Variants in APBB1IP observed in about 807,000 individuals in gnomAD.
APBB1IP encodes amyloid beta precursor protein binding family B member 1 interacting protein, also known as amyloid beta A4 precursor protein-binding family B member 1-interacting protein.
In APBB1IP, 27 loss-of-function variants were observed where a neutral mutation model predicts 64.9. The observed-to-expected ratio is 0.42, with a 90% CI of 0.31 to 0.57. The LOEUF (loss-of-function observed/expected upper bound fraction) is 0.57. Among genes scored for constraint, APBB1IP ranks in the 20% least tolerant of loss-of-function variants. APBB1IP has a pLI of 0.20. For missense variants in APBB1IP, 812 were observed against 845.5 expected (o/e 0.96, Z 0.49); for synonymous variants, 392 against 331.0 (o/e 1.18, Z -2.00).
At chr10:26,458,692 C>A (rs1835555063) in intron 2 of APBB1IP, among the ~76,000 whole-genome samples, 2 of 152,022 alleles carry the variant, frequency 1.3e-5, no homozygotes, top group Non-Finnish European at 2.9e-5. Context: ...ATGCTATCAT[C>A]AAAAAATTAA....
At chr10:26,460,726 C>G (rs940987466) in intron 2 of APBB1IP, among the ~76,000 whole-genome samples, 2 of 152,162 alleles carry the variant, frequency 1.3e-5, no homozygotes, top group East Asian at 3.8e-4. Context: ...TGCATGTTCT[C>G]ACTTATAAGT....
intron 2 of APBB1IP, among the ~76,000 whole-genome samples, chr10:26,483,955 C>G (rs1835864027): frequency 6.6e-6 from 1 of 152,070 alleles, no homozygotes; most frequent in African/African-American, 2.4e-5. Flanking sequence ...TCTCAGTGCT[C>G]TGAAATTTTC....
chr10:26,438,525 G>A (rs2992333), intron 1 of APBB1IP, 70 bp downstream of exon 1: 91,891 of 150,634 alleles, frequency 0.61, 28,423 homozygotes, highest in East Asian at 0.93. Context: ...ATCCCTTCAA[G>A]GTGGTTGTGT....
At chr10:26,455,987 G>A (rs1835520422) in intron 2 of APBB1IP, among the ~76,000 whole-genome samples, 1 of 152,200 alleles carries the variant, frequency 6.6e-6, no homozygotes. Context: ...AGTGAAAGAA[G>A]CCAGACACAA....
chr10:26,472,105 G>A (rs1835724821), intron 2 of APBB1IP, among the ~76,000 whole-genome samples: 1 of 152,078 alleles, frequency 6.6e-6, no homozygotes, highest in South Asian at 2.1e-4. Context: ...GGGCTGCGGG[G>A]GGAAGAAAAA....
At chr10:26,529,744 G>A (rs1333469786) in intron 8 of APBB1IP, among the ~76,000 whole-genome samples, 1 of 152,140 alleles carries the variant, frequency 6.6e-6, no homozygotes, top group Non-Finnish European at 1.5e-5. Flanking sequence ...AGTCTCAAGT[G>A]ATTCTTCTGC....
Position 26,567,261 on chromosome 10 carries a change from G to T in APBB1IP, c.1774G>T (p.Gly592Trp). Residue 592 changes from glycine to tryptophan, a missense_variant, in exon 15 of 15, where the codon GGG (glycine) becomes TGG (tryptophan). By Grantham distance (184) the Gly-to-Trp change is radical (BLOSUM62 -2). Transcript: ENST00000376236. ...GCCCCCGCCCCCGCCGTCGTACGCA[G>T]GGATCGCGGGCTCAGAGCTGCCCCC... ...FVPPPPPSYA[G>W]IAGSELPPPP... 1 of 1,283,300 alleles carries T rather than the reference G, an allele frequency of 7.8e-7. No homozygotes were observed. The highest frequency in any genetic ancestry group is 1.9e-5 in the South Asian group (1 of 51,806). The allele number at this position is 1,283,300 out of a possible 1,614,324, so 79.5% of individuals were successfully genotyped here.
At chr10:26,552,790 C>G (rs990576374) in intron 11 of APBB1IP, among the ~76,000 whole-genome samples, 5 of 152,200 alleles carry the variant, frequency 3.3e-5, no homozygotes, top group Non-Finnish European at 5.9e-5. Context: ...AACGTGGCCT[C>G]TGGAACCACA....
At chr10:26,488,646 G>T (rs1358661913) in intron 2 of APBB1IP, among the ~76,000 whole-genome samples, 3 of 152,174 alleles carry the variant, frequency 2.0e-5, no homozygotes, top group Non-Finnish European at 4.4e-5. Flanking sequence ...TGAACCAGGG[G>T]CAGGGCCCAC....
intron 2 of APBB1IP, among the ~76,000 whole-genome samples, chr10:26,445,583 T>C (rs1165307185): frequency 6.6e-6 from 1 of 152,214 alleles, no homozygotes; most frequent in Non-Finnish European, 1.5e-5. Context: ...TGATGTAGAC[T>C]TTATGCAATA....
chr10:26,519,644 A>G (rs787067), intron 8 of APBB1IP, among the ~76,000 whole-genome samples: 5 of 152,050 alleles, frequency 3.3e-5, no homozygotes, highest in African/African-American at 1.2e-4. Flanking sequence ...TACTACTGTA[A>G]CATAGCGGGA....
chr10:26,442,546 A>T (rs1383459236), intron 2 of APBB1IP, among the ~76,000 whole-genome samples: 1 of 152,174 alleles, frequency 6.6e-6, no homozygotes, highest in African/African-American at 2.4e-5. Flanking sequence ...AACCGACTGG[A>T]GGGTTTGCAT....
chr10:26,540,354 C>A (rs756669833), intron 10 of APBB1IP, among the ~76,000 whole-genome samples: 9 of 152,066 alleles, frequency 5.9e-5, no homozygotes, highest in Non-Finnish European at 1.3e-4. Context: ...GAAGGCGGAT[C>A]GCTTGAGCTC....
At chr10:26,553,704 G>A (rs1836860577) in intron 11 of APBB1IP, among the ~76,000 whole-genome samples, 1 of 152,106 alleles carries the variant, frequency 6.6e-6, no homozygotes, top group Admixed American at 6.5e-5. Flanking sequence ...TTCAGACTTG[G>A]GGGTACATCG....
At chr10:26,503,870 T>C (rs1162755916) in intron 6 of APBB1IP, among the ~76,000 whole-genome samples, 2 of 152,102 alleles carry the variant, frequency 1.3e-5, no homozygotes, top group African/African-American at 4.8e-5. Flanking sequence ...TCCTGGGAGC[T>C]GGAATGATGG....
At chr10:26,471,769 C>A (rs549062751) in intron 2 of APBB1IP, among the ~76,000 whole-genome samples, 1 of 152,162 alleles carries the variant, frequency 6.6e-6, no homozygotes, top group South Asian at 2.1e-4. Flanking sequence ...ACTGCAACCT[C>A]CGCCTCCTGG....
At chr10:26,531,285 A>T (rs1170553361) in intron 8 of APBB1IP, among the ~76,000 whole-genome samples, 1 of 152,160 alleles carries the variant, frequency 6.6e-6, no homozygotes. Flanking sequence ...TCAGTGAGCC[A>T]AGATTGCACC....
chr10:26,512,230 T>C (rs1447649586), intron 7 of APBB1IP, among the ~76,000 whole-genome samples: 2 of 152,190 alleles, frequency 1.3e-5, no homozygotes, highest in Non-Finnish European at 2.9e-5. Context: ...ACTTGGATTC[T>C]AGCAGGTGGT....
intron 2 of APBB1IP, among the ~76,000 whole-genome samples, chr10:26,442,518 A>G (rs1160695563): frequency 6.6e-6 from 1 of 152,208 alleles, no homozygotes; most frequent in African/African-American, 2.4e-5. Context: ...TAAATCACAC[A>G]GCAACTGTGT....
Sources: allele counts gnomAD v4.1 joint callset (sites outside exome capture counted in the v4.1 genomes callset), GRCh38; gene constraint gnomAD v4.1.1; transcripts MANE v1.5; gene names NCBI Gene and HGNC (gene_info 2026-07-23, HGNC 2026-07-21).